The following SKA2 variants were observed in gnomAD, a reference collection of about 807,000 sequenced individuals.
SKA2 encodes the protein spindle and kinetochore-associated protein 2.
A neutral mutation model predicts 16.9 loss-of-function variants in SKA2; 13 were observed. The observed-to-expected ratio is 0.77, with a 90% CI of 0.50 to 1.22. The LOEUF is 1.22. SKA2 is among the 50% of genes most tolerant of loss of function. SKA2 has a pLI of 0.00. For missense variants in SKA2, 107 were observed against 139.7 expected (o/e 0.77, Z 1.18); for synonymous variants, 47 against 48.5 (o/e 0.97, Z 0.13).
chr17:59,124,214 A>T (rs1052915260), intron 2 of SKA2: 1 of 152,188 alleles, frequency 6.6e-6, no homozygotes, highest in Non-Finnish European at 1.5e-5. Flanking sequence ...CAGGAGGATC[A>T]CTTGAGCCCA....
intron 1 of SKA2, among the ~76,000 whole-genome samples, chr17:59,148,932 G>A (rs1299287641): frequency 1.3e-5 from 2 of 151,566 alleles, no homozygotes; most frequent in Non-Finnish European, 2.9e-5. Context: ...AGTTAAGGAA[G>A]TGCAAATTGA....
intron 2 of SKA2, among the ~76,000 whole-genome samples, chr17:59,130,991 CTA>C (rs1404828931): frequency 6.6e-6 from 1 of 152,082 alleles, no homozygotes; most frequent in Non-Finnish European, 1.5e-5. Context: ...CTAGAGGTAG[CTA>C]TATTCTCTCT....
Position 59,119,333 on chromosome 17 carries a change from G to A in SKA2, c.283C>T (p.Gln95Ter), listed in dbSNP as rs967355881. The change falls in exon 3 of 4, where the codon CAA becomes TAA. Residue 95 changes from glutamine to a stop codon, truncating the protein, a stop_gained. Coordinates refer to ENST00000330137, the MANE Select transcript of SKA2 (RefSeq NM_182620.4). LOFTEE classifies it high-confidence loss of function. Reference protein sequence around the residue: ...TMNMIQKLQKQTDLELSPLTK... With the variant: ...TMNMIQKLQK The stretch of plus-strand genomic sequence containing the variant: ...GAAAGCATTACCTCCAGGTCTGTTT[G>A]CTTCTGTAGTTTTTGTATCATATTC... The A allele has an allele frequency of 6.2e-7, 1 of 1,613,864 alleles. No individual in the cohort carries two copies. Among genetic ancestry groups the A allele is most frequent in the African/African-American group, 1.3e-5 (1 of 75,036 alleles).
intron 1 of SKA2, among the ~76,000 whole-genome samples, chr17:59,148,366 A>G (rs1269685082): frequency 6.6e-6 from 1 of 152,110 alleles, no homozygotes; most frequent in Admixed American, 6.6e-5. Flanking sequence ...GCTTGAGCCC[A>G]GAAGTTTGAG....
chr17:59,112,735 T>G (rs2046271455), intron 3 of SKA2, among the ~76,000 whole-genome samples: 1 of 152,190 alleles, frequency 6.6e-6, no homozygotes, highest in Non-Finnish European at 1.5e-5. Flanking sequence ...GCGTAGTATT[T>G]GCATAGAAAC....
chr17:59,136,233 G>A (rs942329015), intron 1 of SKA2, among the ~76,000 whole-genome samples: 1 of 151,062 alleles, frequency 6.6e-6, no homozygotes, highest in African/African-American at 2.4e-5. Context: ...CGATCTCGGG[G>A]CTCACTGCAA....
intron 2 of SKA2, among the ~76,000 whole-genome samples, chr17:59,130,380 G>A (rs2046403952): frequency 6.7e-6 from 1 of 150,316 alleles, no homozygotes; most frequent in Non-Finnish European, 1.5e-5. Flanking sequence ...GAGAGGCTGA[G>A]GTAGGCAGAT....
At chr17:59,128,625 CAAAAAAAA>C (rs761411258) in intron 2 of SKA2, among the ~76,000 whole-genome samples, 2 of 56,262 alleles carry the variant, frequency 3.6e-5, no homozygotes, top group Non-Finnish European at 7.4e-5. Flanking sequence ...GACTCGGTCT[CAAAAAAAA>C]AAAAAAAAGA....
chr17:59,133,794 CA>C (rs2046425961), intron 1 of SKA2, among the ~76,000 whole-genome samples: 1 of 151,976 alleles, frequency 6.6e-6, no homozygotes, highest in Non-Finnish European at 1.5e-5. Flanking sequence ...CTGCAATGAC[CA>C]AAATTCTATC....
Position 59,122,201 on chromosome 17 carries a change from T to C in SKA2, c.121-2706A>G, listed in dbSNP as rs188376276. Among the ~76,000 whole-genome samples, 19 of 152,186 alleles carry C rather than the reference T, an allele frequency of 1.2e-4. 1 individual carries two copies. The highest frequency in any genetic ancestry group is 2.1e-4 in the Non-Finnish European group (14 of 67,992). ...TAGAAAAACTAAGCAGGCTGGGCCA[T>C]GGTGGCTCATGCTTGTAATTCTAGC... On this transcript the variant is annotated intron_variant, in intron 2 of 3. Transcript: ENST00000330137.
At chr17:59,137,751 T>A in intron 1 of SKA2, 1 of 524,584 alleles carries the variant, frequency 1.9e-6, no homozygotes, top group Non-Finnish European at 3.9e-6. Flanking sequence ...CTACATACTT[T>A]CTGCAGCCTG....
intron 1 of SKA2, among the ~76,000 whole-genome samples, chr17:59,137,150 G>A (rs2046451793): frequency 6.6e-6 from 1 of 152,050 alleles, no homozygotes; most frequent in African/African-American, 2.4e-5. Flanking sequence ...CTGAGTAGCT[G>A]GGACTACAGA....
intron 3 of SKA2, among the ~76,000 whole-genome samples, chr17:59,115,337 C>T (rs1361383113): frequency 1.3e-5 from 2 of 151,942 alleles, no homozygotes; most frequent in East Asian, 1.9e-4. Context: ...GGATTACAGG[C>T]GTGAGCCACC....
At chr17:59,136,911 C>T (rs754554068) in intron 1 of SKA2, among the ~76,000 whole-genome samples, 6 of 152,214 alleles carry the variant, frequency 3.9e-5, no homozygotes, top group Admixed American at 6.5e-5. Context: ...AGCAAAGTAA[C>T]TTGCCTCTAG....
rs746771947 is a variant in SKA2 at position 59,131,353 on chromosome 17, C to T, written c.48G>A (p.Glu16=). The T allele has an allele frequency of 1.3e-6, 2 of 1,562,368 alleles. No individual in the cohort carries two copies. Among genetic ancestry groups the T allele is most frequent in the African/African-American group, 2.7e-5 (2 of 74,038 alleles). ...TGTATTGAATGTAATCCAGATCAGA[C>T]TCAGCTTTCTGGAACTAAAGATCAG... is the stretch of plus-strand genomic sequence containing the variant. The part of the protein sequence containing the change: ...DKLELMFQKA[E]SDLDYIQYRL... The change falls in exon 2 of 4, where the codon GAG becomes GAA. Residue 16 remains glutamate (E), a synonymous_variant. Coordinates refer to ENST00000330137, the MANE Select transcript of SKA2 (RefSeq NM_182620.4).
chr17:59,116,214 T>C (rs1399281184), intron 3 of SKA2, among the ~76,000 whole-genome samples: 1 of 151,914 alleles, frequency 6.6e-6, no homozygotes, highest in Non-Finnish European at 1.5e-5. Flanking sequence ...CTACTAAAAA[T>C]ACAAAAAAAT....
At chr17:59,149,573 AG>A (rs2046561151) in intron 1 of SKA2, among the ~76,000 whole-genome samples, 1 of 152,172 alleles carries the variant, frequency 6.6e-6, no homozygotes, top group Non-Finnish European at 1.5e-5. Context: ...GCAACACAGG[AG>A]GATCACTTGA....
chr17:59,119,385 G>A lies in SKA2; in HGVS notation c.231C>T (p.Arg77=), dbSNP rs776707420. ...VAVEQKESKS[R]ICATVKKTMN... is the part of the protein sequence containing the mutation. The stretch of plus-strand genomic sequence containing the variant: ...TAGTCTTTTTCACAGTAGCACAAAT[G>A]CGGCTCTTACTCTCTTTCTGCTCAA... The change falls in exon 3 of 4, where the codon CGC becomes CGT. Residue 77 remains arginine, a synonymous_variant. Transcript: ENST00000330137. 15 of 1,613,830 alleles carry A rather than the reference G, an allele frequency of 9.3e-6. No homozygotes were observed. The East Asian group carries it at 1.6e-4, about 17-fold the overall frequency.
intron 3 of SKA2, 45 bp from the exon 4 acceptor site, chr17:59,112,390 A>G: frequency 2.7e-6 from 4 of 1,467,478 alleles, no homozygotes; most frequent in Non-Finnish European, 3.8e-6. Context: ...ACTTTCAAAG[A>G]CTTAAATCAG....
Sources: gnomAD v4.1 joint callset for allele counts (sites outside exome capture counted in the v4.1 genomes callset) on GRCh38, gnomAD v4.1.1 for gene constraint, MANE v1.5 for transcripts, NCBI Gene and HGNC (gene_info 2026-07-23, HGNC 2026-07-21) for gene names.